Variants in CFAP46 observed in about 807,000 individuals in gnomAD.
CFAP46 encodes cilia and flagella associated protein 46.
Under a neutral mutation model 325.7 loss-of-function variants are expected in CFAP46, and 245 were observed. That is an observed-to-expected ratio of 0.75 (90% CI 0.68 to 0.84). CFAP46 has a LOEUF of 0.84. Among genes scored for constraint, CFAP46 ranks in the 40% least tolerant of loss-of-function variants. CFAP46 has a pLI of 0.00. For missense variants in CFAP46, 3,346 were observed against 3,543.0 expected (o/e 0.94, Z 1.41); for synonymous variants, 1,523 against 1,495.9 (o/e 1.02, Z -0.42).
In CFAP46 at chr10:132,851,307, T is replaced by A. The variant is rs766632678; in HGVS notation, c.5575-2A>T. On this transcript the variant is annotated splice_acceptor_variant, in intron 39 of 57. Coordinates refer to ENST00000368586, the MANE Select transcript of CFAP46 (RefSeq NM_001200049.3). LOFTEE classifies it high-confidence loss of function. ...CAGGGGCGTGTTGACGTTCTGCAAC[T>A]GAGGGGGTCAGGCATGCCTCTGAAG... 1.2e-6 allele frequency: 2 copies of A among 1,612,928 alleles called. No individual in the cohort carries two copies. Among genetic ancestry groups the A allele is most frequent in the Non-Finnish European group, 1.7e-6 (2 of 1,179,536 alleles).
chr10:132,878,071 G>A lies in CFAP46; in HGVS notation c.4022C>T (p.Ala1341Val), dbSNP rs1435101161. Residue 1341 changes from alanine to valine, a missense_variant, in exon 30 of 58, where the codon GCA becomes GTA. Transcript: ENST00000368586. ...RHIWQVSLMTAGKSVLENRPL... is the reference protein window; with the variant it reads ...RHIWQVSLMTVGKSVLENRPL... ...TCTGTTTTCCAGAACTGATTTTCCT[G>A]CTGTCATCAAAGAAACCTGGTGGGG... 2 of 1,546,834 alleles carry A rather than the reference G, an allele frequency of 1.3e-6. No individual in the cohort carries two copies. The highest frequency in any genetic ancestry group is 2.4e-5 in the South Asian group (2 of 82,812).
intron 47 of CFAP46, 126 bp downstream of exon 47, chr10:132,835,178 T>C (rs1220179872): frequency 3.1e-6 from 4 of 1,310,394 alleles, no homozygotes; most frequent in Non-Finnish European, 4.1e-6. Flanking sequence ...GGTGTTGGGA[T>C]GGCCCAAGCC....
chr10:132,820,833 CTGA>C (rs1275020789), intron 50 of CFAP46, among the ~76,000 whole-genome samples: 4 of 122,016 alleles, frequency 3.3e-5, no homozygotes, highest in Non-Finnish European at 4.9e-5. Context: ...GTGCTGAGTG[CTGA>C]TGTGTGCTGT....
Position 132,938,609 on chromosome 10 carries a change from C to T in CFAP46, c.516G>A (p.Glu172=). Residue 172 remains glutamate (E), a synonymous_variant, in exon 5 of 58, where the codon GAG becomes GAA. Transcript: ENST00000368586. ...VLSQTEEEDK[E]WRAELMLELL... ...CTCACAGCATCAGCTCAGCACGCCA[C>T]TCCTTGTCTTCCTCCTCAGTCTGAC... 1.9e-6 allele frequency: 3 copies of T among 1,613,424 alleles called. No homozygotes were observed. The highest frequency in any genetic ancestry group is 1.7e-5 in the Admixed American group (1 of 60,022).
At chr10:132,928,882 G>A (rs1022001967) in intron 9 of CFAP46, among the ~76,000 whole-genome samples, 1 of 152,184 alleles carries the variant, frequency 6.6e-6, no homozygotes, top group Non-Finnish European at 1.5e-5. Flanking sequence ...AGCTTCTTCT[G>A]GAGGGCAATA....
chr10:132,905,103 G>A (rs1047708078), intron 22 of CFAP46, among the ~76,000 whole-genome samples: 5 of 152,260 alleles, frequency 3.3e-5, no homozygotes, highest in Non-Finnish European at 4.4e-5. Flanking sequence ...TGTTATCTGC[G>A]CTTTTCCTTC....
Position 132,847,084 on chromosome 10 carries a change from G to C in CFAP46, c.6115C>G (p.Leu2039Val), listed in dbSNP as rs1213817462. ...AGCAGCACCTCTGACGCCTGAGCCA[G>C]GTACTGCTGGGCCAGAACCATCCTC... The part of the protein sequence containing the change: ...KRRMVLAQQY[L>V]AQASEVLLQC... Residue 2039 changes from leucine (L) to valine (V), a missense_variant, in exon 43 of 58, where the codon CTG (leucine) becomes GTG (valine). By Grantham distance (32) the Leu-to-Val change is conservative. Transcript: ENST00000368586. This position sits in a 1 kb window ranked among gnomAD's most constrained non-coding sequence, Gnocchi z 5.2. 6.2e-7 allele frequency: 1 copy of C among 1,612,030 alleles called. No individual in the cohort carries two copies.
rs1379812232 is a variant in CFAP46 at position 132,912,286 on chromosome 10, TC to T, written c.2499+368del. 1.4e-3 allele frequency among the ~76,000 whole-genome samples: 104 copies of T among 75,758 alleles called. 3 individuals are homozygous for T. Among genetic ancestry groups the T allele is most frequent in the African/African-American group, 4.6e-3 (72 of 15,644 alleles). 49.7% of individuals were successfully genotyped at this position (75,758 alleles called of 152,430 possible). A position where few individuals can be genotyped will look rare whatever the true frequency, so the allele number is the denominator to read the frequency against. On this transcript the variant is annotated intron_variant, in intron 19 of 57. Coordinates refer to ENST00000368586, the MANE Select transcript of CFAP46 (RefSeq NM_001200049.3). ...CTCTCCTCTCTCTTCTCCTCTCTCC[TC>T]CTCTCTCTCTCCTCTCTTTCTCCTG...
rs765034546 is a variant in CFAP46 at position 132,941,999 on chromosome 10, C to T, written c.155G>A (p.Cys52Tyr). The T allele has an allele frequency of 2.6e-6, 4 of 1,551,914 alleles. No individual in the cohort carries two copies. Among genetic ancestry groups the T allele is most frequent in the South Asian group, 1.2e-5 (1 of 84,060 alleles). Residue 52 changes from cysteine (C) to tyrosine (Y), a missense_variant, in exon 2 of 58, where the codon TGT (cysteine) becomes TAT (tyrosine). Cys to Tyr is a radical substitution (Grantham distance 194, BLOSUM62 -2). Transcript: ENST00000368586. ...AGTTACCTTCAGGGCCTGCTCTGCA[C>T]ACAGAACAAACAGGTCTGGGCTGAA... Reference protein sequence around the residue: ...ESFSPDLFVLCAEQALKMRQP... With the variant: ...ESFSPDLFVLYAEQALKMRQP...
intron 22 of CFAP46, among the ~76,000 whole-genome samples, chr10:132,905,089 CAT>C (rs1463493143): frequency 1.6e-4 from 24 of 152,366 alleles, no homozygotes; most frequent in African/African-American, 5.5e-4. Flanking sequence ...GCTCTACCAG[CAT>C]ATGTTATCTG....
At chr10:132,902,935 G>A (rs1849410456) in intron 22 of CFAP46, among the ~76,000 whole-genome samples, 1 of 150,078 alleles carries the variant, frequency 6.7e-6, no homozygotes, top group Admixed American at 6.6e-5. Flanking sequence ...ATGTGAGCTG[G>A]CCACAGCTCC....
At chr10:132,937,079 T>A in intron 6 of CFAP46, 24 bp from the exon 7 acceptor site, 2 of 1,368,650 alleles carry the variant, frequency 1.5e-6, no homozygotes, top group Non-Finnish European at 2.0e-6. Context: ...GAGCAGATTA[T>A]TAATCTGGAT....
At chr10:132,865,920 C>T in intron 35 of CFAP46, 105 bp downstream of exon 35, 1 of 1,199,044 alleles carries the variant, frequency 8.3e-7, no homozygotes, top group Non-Finnish European at 1.1e-6. Context: ...CGTGGCCCTG[C>T]TAGAGCTGAA....
In CFAP46 at chr10:132,918,544, G is replaced by A. The variant is rs1237384956; in HGVS notation, c.1859-24C>T. 15 of 1,500,154 alleles carry A rather than the reference G, an allele frequency of 1.0e-5. No homozygotes were observed. The East Asian group carries it at 3.3e-4, about 33-fold the overall frequency. 92.9% of individuals were successfully genotyped at this position (1,500,154 alleles called of 1,614,324 possible). A position where few individuals can be genotyped will look rare whatever the true frequency, so the allele number is the denominator to read the frequency against. On this transcript the variant is annotated intron_variant, in intron 15 of 57. Transcript: ENST00000368586. The stretch of plus-strand genomic sequence containing the variant: ...CCCTGAGAGAAATGGCAGCAGGTAA[G>A]GATCATGTTTTTTTCTAGCAAATAA...
At position 132,884,353 on chromosome 10, in the gene CFAP46, G is replaced by T. The variant is rs1440829416; in HGVS notation, c.3627+750C>A. Among the ~76,000 whole-genome samples, 1 of 152,172 alleles carries T rather than the reference G, an allele frequency of 6.6e-6. No homozygotes were observed. Among genetic ancestry groups the T allele is most frequent in the Non-Finnish European group, 1.5e-5 (1 of 68,032 alleles). On this transcript the variant is annotated intron_variant, in intron 27 of 57. Coordinates refer to ENST00000368586, the MANE Select transcript of CFAP46 (RefSeq NM_001200049.3). This position sits in a 1 kb window ranked among gnomAD's most constrained non-coding sequence, Gnocchi z 5.4. ...CGTCAGAGACCCCCAACCATCCTCA[G>T]TTCCCGATGCCAAGGGCCCCCTGGA...
chr10:132,816,036 T>C (rs1007784673), intron 50 of CFAP46, among the ~76,000 whole-genome samples: 2 of 152,188 alleles, frequency 1.3e-5, no homozygotes, highest in African/African-American at 4.8e-5. Context: ...AATCCATCGA[T>C]GTCCTTTTTT....
At chr10:132,835,604 C>T (rs1848227808) in intron 46 of CFAP46, among the ~76,000 whole-genome samples, 170 bp from the exon 47 acceptor site, 1 of 152,160 alleles carries the variant, frequency 6.6e-6, no homozygotes, top group Non-Finnish European at 1.5e-5. Context: ...GGAGACGCTG[C>T]CACATCATTG....
chr10:132,869,629 G>A lies in CFAP46; in HGVS notation c.4512-257C>T, dbSNP rs147894372. On this transcript the variant is annotated intron_variant, in intron 32 of 57. Transcript: ENST00000368586. The surrounding 1 kb of genome is among the most constrained non-coding windows in gnomAD (Gnocchi z 6.2). ...CATTATCTGTTGCCTCCTGGACGCCGTCCGAGGAGAAGAGGAGGCCCTCAG... is the reference window on the plus strand; with the variant it reads ...CATTATCTGTTGCCTCCTGGACGCCATCCGAGGAGAAGAGGAGGCCCTCAG... Among the ~76,000 whole-genome samples the A allele has an allele frequency of 3.3e-5, 5 of 152,256 alleles. No homozygotes were observed. The highest frequency in any genetic ancestry group is 1.2e-4 in the African/African-American group (5 of 41,554).
rs377064785 is a variant in CFAP46 at position 132,819,564 on chromosome 10, T to C, written c.7118-4650A>G. 2.6e-5 allele frequency among the ~76,000 whole-genome samples: 4 copies of C among 151,702 alleles called. No homozygotes were observed. In the East Asian group the frequency reaches 7.8e-4, roughly 30 times the overall value. ...AGACACTGGGCCCGATAGAAGAGAA[T>C]GGAGAATCCAGAAATAAACCCACAC... is the stretch of plus-strand genomic sequence containing the variant. On this transcript the variant is annotated intron_variant, in intron 50 of 57. Transcript: ENST00000368586.
Sources: gnomAD v4.1 joint callset for allele counts (sites outside exome capture counted in the v4.1 genomes callset) on GRCh38, gnomAD v4.1.1 for gene constraint, Gnocchi (gnomAD v3.1) non-coding constraint, MANE v1.5 for transcripts, NCBI Gene and HGNC (gene_info 2026-07-23, HGNC 2026-07-21) for gene names.